The following PDZRN3 variants were observed in gnomAD, a reference collection of about 807,000 sequenced individuals.
The protein encoded by PDZRN3 is PDZ domain containing ring finger 3.
In PDZRN3, 38 loss-of-function variants were observed where a neutral mutation model predicts 85.7. The ratio of observed to expected loss-of-function variants is 0.44; its 90% CI spans 0.34 to 0.58. The LOEUF (loss-of-function observed/expected upper bound fraction) is 0.58, where lower values mean the gene tolerates loss of function less well. PDZRN3 is among the 20% of genes least tolerant of loss of function. PDZRN3 has a pLI of 0.01. For missense variants in PDZRN3, 1,629 were observed against 1,506.4 expected, an observed-to-expected ratio of 1.08 and a Z score of -1.35; for synonymous variants, 759 against 638.0, an observed-to-expected ratio of 1.19 and a Z score of -2.86.
intron 3 of PDZRN3, chr3:73,474,454 C>A: frequency 7.8e-7 from 1 of 1,281,274 alleles, no homozygotes; most frequent in Non-Finnish European, 1.0e-6. Context: ...ATTAAACTCA[C>A]CAAATACCAT....
At chr3:73,476,328 A>G (rs147982312) in intron 3 of PDZRN3, among the ~76,000 whole-genome samples, 3 of 152,314 alleles carry the variant, frequency 2.0e-5, no homozygotes, top group Admixed American at 2.0e-4. Context: ...GAAGAGAGAT[A>G]GACAGTGAAG....
In PDZRN3 at chr3:73,438,492, T is replaced by C. The variant is rs184683307; in HGVS notation, c.919-34097A>G. 2.7e-3 allele frequency among the ~76,000 whole-genome samples: 413 copies of C among 152,358 alleles called. 3 individuals are homozygous for C. The highest frequency in any genetic ancestry group is 9.4e-3 in the African/African-American group (392 of 41,584). Reference sequence around the variant, plus strand: ...GCTATGAACTTCCAGTCCAGCCATATAGACTTCTGGAAGAGTCATGTCAAA... The same window carrying C: ...GCTATGAACTTCCAGTCCAGCCATACAGACTTCTGGAAGAGTCATGTCAAA... On this transcript the variant is annotated intron_variant, in intron 3 of 9. Coordinates refer to ENST00000263666, the MANE Select transcript of PDZRN3 (RefSeq NM_015009.3).
intron 3 of PDZRN3, among the ~76,000 whole-genome samples, chr3:73,457,470 G>T (rs993549399): frequency 1.3e-5 from 2 of 152,018 alleles, no homozygotes; most frequent in African/African-American, 4.8e-5. Context: ...GCCCAATATG[G>T]GTTTGTTGGG....
chr3:73,443,071 G>T (rs1176951671), intron 3 of PDZRN3, among the ~76,000 whole-genome samples: 1 of 152,076 alleles, frequency 6.6e-6, no homozygotes, highest in South Asian at 2.1e-4. Flanking sequence ...TCCCAGCCGC[G>T]CCCCACCACC....
chr3:73,615,905 GT>G (rs1702754866), intron 1 of PDZRN3, among the ~76,000 whole-genome samples: 1 of 152,144 alleles, frequency 6.6e-6, no homozygotes. Context: ...TTGGATGACT[GT>G]CCCCCCAAAT....
At chr3:73,570,601 A>G (rs1559743203) in intron 3 of PDZRN3, among the ~76,000 whole-genome samples, 1 of 152,150 alleles carries the variant, frequency 6.6e-6, no homozygotes, top group Non-Finnish European at 1.5e-5. Flanking sequence ...AAGATAATCT[A>G]TTGCTCCAAA....
At chr3:73,600,337 A>ACACTCTCTCTCTCTCTCT (rs34405662) in intron 3 of PDZRN3, among the ~76,000 whole-genome samples, 2 of 100,052 alleles carry the variant, frequency 2.0e-5, no homozygotes, top group Non-Finnish European at 3.8e-5. Flanking sequence ...ACACACACAC[A>ACACTCTCTCTCTCTCTCT]CTCTCTCTCT....
intron 3 of PDZRN3, among the ~76,000 whole-genome samples, chr3:73,577,063 C>T (rs1010199293): frequency 6.6e-6 from 1 of 152,158 alleles, no homozygotes; most frequent in Non-Finnish European, 1.5e-5. Context: ...TAAATGGAGT[C>T]GCTCACTCAT....
At chr3:73,416,090 G>C (rs1259450174) in intron 3 of PDZRN3, among the ~76,000 whole-genome samples, 1 of 151,194 alleles carries the variant, frequency 6.6e-6, no homozygotes, top group Non-Finnish European at 1.5e-5. Context: ...TTTTCCTTCT[G>C]TTTGTACCTT....
intron 3 of PDZRN3, among the ~76,000 whole-genome samples, chr3:73,440,042 A>AT (rs59986175): frequency 3.1e-4 from 46 of 149,358 alleles, no homozygotes; most frequent in Admixed American, 1.2e-3. Context: ...CCAGACTCTT[A>AT]TTTTTTTTTT....
At chr3:73,534,089 C>T (rs149699332) in intron 3 of PDZRN3, among the ~76,000 whole-genome samples, 183 of 152,320 alleles carry the variant, frequency 1.2e-3, no homozygotes, top group African/African-American at 4.1e-3. Flanking sequence ...TTCTGCTTAC[C>T]GTTGAGTCCC....
chr3:73,406,902 A>G (rs1701866047), intron 3 of PDZRN3, among the ~76,000 whole-genome samples: 1 of 152,190 alleles, frequency 6.6e-6, no homozygotes, highest in South Asian at 2.1e-4. Flanking sequence ...GAGACACATA[A>G]TTCTTACAAA....
intron 2 of PDZRN3, among the ~76,000 whole-genome samples, chr3:73,603,286 ATC>A (rs1702543010): frequency 6.6e-6 from 1 of 152,198 alleles, no homozygotes; most frequent in Admixed American, 6.5e-5. Flanking sequence ...ATCTCTTTAG[ATC>A]TTTGAATTAA....
chr3:73,443,503 G>A lies in PDZRN3; in HGVS notation c.919-39108C>T, dbSNP rs562232482. On this transcript the variant is annotated intron_variant, in intron 3 of 9. Coordinates refer to ENST00000263666, the MANE Select transcript of PDZRN3 (RefSeq NM_015009.3). ...TCTTTTTTTTTTTTTTTTTTTGGGG[G>A]GGGGACAGCGCTTGCTTTGTCGCCC... Among the ~76,000 whole-genome samples, 8 of 132,586 alleles carry A rather than the reference G, an allele frequency of 6.0e-5. 1 individual carries two copies. The highest frequency in any genetic ancestry group is 2.0e-4 in the East Asian group (1 of 5,056). The allele number at this position is 132,586 out of a possible 152,430, so 87.0% of individuals were successfully genotyped here.
chr3:73,585,473 G>T (rs1482793082), intron 3 of PDZRN3, among the ~76,000 whole-genome samples: 1 of 152,160 alleles, frequency 6.6e-6, no homozygotes, highest in East Asian at 1.9e-4. Context: ...TCAAAGCAAG[G>T]TTGTGGCCTG....
chr3:73,581,200 A>G (rs1267380423), intron 3 of PDZRN3, among the ~76,000 whole-genome samples: 1 of 152,166 alleles, frequency 6.6e-6, no homozygotes, highest in African/African-American at 2.4e-5. Flanking sequence ...TCTCAAAGAG[A>G]ACTGATGGTT....
intron 3 of PDZRN3, among the ~76,000 whole-genome samples, chr3:73,412,433 A>G (rs1396060920): frequency 6.6e-6 from 1 of 152,234 alleles, no homozygotes; most frequent in Non-Finnish European, 1.5e-5. Flanking sequence ...AATTGTTATC[A>G]CACGGAGTTA....
intron 2 of PDZRN3, among the ~76,000 whole-genome samples, chr3:73,603,737 C>T (rs111814112): frequency 2.4e-3 from 367 of 152,176 alleles, no homozygotes; most frequent in African/African-American, 8.6e-3. Context: ...AAAACAATCC[C>T]TATATTCTAA....
chr3:73,582,200 T>C lies in PDZRN3; in HGVS notation c.918+20154A>G, dbSNP rs1476141879. On this transcript the variant is annotated intron_variant, in intron 3 of 9. Transcript: ENST00000263666. The stretch of plus-strand genomic sequence containing the variant: ...GAAGGCTTTGTGCTGGGCTGCAAAC[T>C]GCTTACCTCAGGGTATGGGAAGAAG... Among the ~76,000 whole-genome samples the C allele has an allele frequency of 4.6e-5, 7 of 152,338 alleles. No homozygotes were observed. In the South Asian group the frequency reaches 1.2e-3, roughly 27 times the overall value.
Sources: allele counts gnomAD v4.1 joint callset (sites outside exome capture counted in the v4.1 genomes callset), GRCh38; gene constraint gnomAD v4.1.1; transcripts MANE v1.5; gene names NCBI Gene and HGNC (gene_info 2026-07-23, HGNC 2026-07-21).